PCDH11X: variants seen among roughly 807,000 people sequenced by gnomAD.
PCDH11X encodes the protein protocadherin-11 X-linked.
PCDH11X carries 18 observed loss-of-function variants against 53.3 expected under a neutral mutation model. The observed-to-expected ratio is 0.34, with a 90% CI of 0.23 to 0.50. The LOEUF (loss-of-function observed/expected upper bound fraction) is 0.50. PCDH11X is among the 20% of genes least tolerant of loss of function. The pLI is 0.98. For missense variants in PCDH11X, 570 were observed against 1,032.4 expected (o/e 0.55, Z 6.14); for synonymous variants, 279 against 393.3 (o/e 0.71, Z 3.44).
chrX:92,062,095 T>C (rs1472875735), intron 6 of PCDH11X, among the ~76,000 whole-genome samples: 3 of 111,118 alleles, frequency 2.7e-5, no homozygotes, highest in Non-Finnish European at 5.7e-5. Flanking sequence ...AATAGGATTG[T>C]GTTCTTGATA....
chrX:92,500,082 T>C, intron 10 of PCDH11X, among the ~76,000 whole-genome samples: 1 of 111,483 alleles, frequency 9.0e-6, no homozygotes. Flanking sequence ...ACAACTTTTC[T>C]TAAAATTGAT....
intron 6 of PCDH11X, among the ~76,000 whole-genome samples, chrX:91,972,096 C>A (rs1044241857): frequency 9.3e-6 from 1 of 107,604 alleles, no homozygotes; most frequent in African/African-American, 3.4e-5. Flanking sequence ...TCTCCACATC[C>A]TCTCCAGCAC....
chrX:92,368,482 G>A (rs766120818), intron 8 of PCDH11X, among the ~76,000 whole-genome samples: 5 of 111,437 alleles, frequency 4.5e-5, no homozygotes, highest in African/African-American at 1.6e-4. Context: ...CCTACCTTCC[G>A]AAACCTACTT....
intron 6 of PCDH11X, among the ~76,000 whole-genome samples, chrX:92,046,718 T>A (rs2148039618): frequency 9.0e-6 from 1 of 110,867 alleles, no homozygotes; most frequent in Admixed American, 9.7e-5. Flanking sequence ...AGAAAGACAA[T>A]GCAAATACTT....
chrX:92,354,856 C>A (rs927500975), intron 8 of PCDH11X, among the ~76,000 whole-genome samples: 6 of 111,217 alleles, frequency 5.4e-5, no homozygotes, highest in African/African-American at 2.0e-4. Flanking sequence ...AAGCTGTAAA[C>A]GCCTTGATAA....
chrX:92,216,530 C>A (rs1233582073), intron 7 of PCDH11X, among the ~76,000 whole-genome samples: 2 of 107,439 alleles, frequency 1.9e-5, no homozygotes, highest in Non-Finnish European at 3.8e-5. Flanking sequence ...CGAACAAAGC[C>A]TCCAAGAAAT....
At chrX:92,336,477 T>C (rs1342301660) in intron 8 of PCDH11X, among the ~76,000 whole-genome samples, 1 of 112,224 alleles carries the variant, frequency 8.9e-6, no homozygotes, top group East Asian at 2.8e-4. Context: ...CATTAATAAT[T>C]GATCATTCAC....
At position 92,476,392 on chromosome X, in the gene PCDH11X, C is replaced by T. The variant is rs754902440; in HGVS notation, c.3367+8070C>T. 3.1e-4 allele frequency among the ~76,000 whole-genome samples: 34 copies of T among 108,412 alleles called. 1 individual carries two copies. In the South Asian group the frequency reaches 0.014, roughly 46 times the overall value. 94.1% of individuals were successfully genotyped at this position (108,412 alleles called of 115,157 possible). On this transcript the variant is annotated intron_variant, in intron 10 of 10. Transcript: ENST00000682573. ...TCAGTACCAGAATTTTTACTTGATT[C>T]ATTCTAATTATTTCAATCTCCTTGT... is the stretch of plus-strand genomic sequence containing the variant.
chrX:92,216,326 A>T (rs1458103493), intron 7 of PCDH11X, among the ~76,000 whole-genome samples: 1 of 108,583 alleles, frequency 9.2e-6, no homozygotes, highest in Non-Finnish European at 1.9e-5. Context: ...CGAATGTATA[A>T]CTAGAATAAC....
At chrX:92,232,980 G>A (rs1365237812) in intron 7 of PCDH11X, among the ~76,000 whole-genome samples, 4 of 111,905 alleles carry the variant, frequency 3.6e-5, no homozygotes, top group Non-Finnish European at 7.5e-5. Flanking sequence ...CTCCCAAAGT[G>A]CTGGGATTAC....
chrX:92,544,314 A>G (rs1451379865), intron 10 of PCDH11X, among the ~76,000 whole-genome samples: 1 of 111,779 alleles, frequency 8.9e-6, no homozygotes. Context: ...TGGAGAAAAT[A>G]TAATTATATT....
intron 10 of PCDH11X, among the ~76,000 whole-genome samples, chrX:92,495,579 C>G (rs1181490948): frequency 9.0e-6 from 1 of 110,620 alleles, no homozygotes; most frequent in Admixed American, 9.6e-5. Flanking sequence ...GTAAAGTATG[C>G]AATTTGGCAT....
intron 9 of PCDH11X, among the ~76,000 whole-genome samples, chrX:92,411,704 A>G (rs761623611): frequency 1.5e-3 from 159 of 107,148 alleles, no homozygotes; most frequent in African/African-American, 5.4e-3. Flanking sequence ...GTTGGTTTCA[A>G]GTCTTTGCTT....
intron 9 of PCDH11X, among the ~76,000 whole-genome samples, chrX:92,399,264 C>G (rs971173020): frequency 2.7e-5 from 3 of 109,326 alleles, no homozygotes. Context: ...GCATACAGAC[C>G]ACCTAGAAAT....
At chrX:92,007,714 G>T (rs975371546) in intron 6 of PCDH11X, among the ~76,000 whole-genome samples, 9 of 111,704 alleles carry the variant, frequency 8.1e-5, no homozygotes, top group Non-Finnish European at 1.5e-4. Context: ...TCTCAAGCAG[G>T]AGTTTTGCCC....
At chrX:92,289,382 A>G (rs1394309994) in intron 8 of PCDH11X, among the ~76,000 whole-genome samples, 1 of 111,453 alleles carries the variant, frequency 9.0e-6, no homozygotes, top group Non-Finnish European at 1.9e-5. Context: ...AATTATTCCA[A>G]CTTGTTAAAG....
chrX:92,235,204 G>A (rs2067148268), intron 7 of PCDH11X, among the ~76,000 whole-genome samples: 1 of 110,972 alleles, frequency 9.0e-6, no homozygotes, highest in Admixed American at 9.7e-5. Context: ...CATGAATCTA[G>A]CATCTTACTG....
intron 6 of PCDH11X, among the ~76,000 whole-genome samples, chrX:91,998,236 A>G (rs1002395109): frequency 9.1e-6 from 1 of 109,322 alleles, no homozygotes; most frequent in African/African-American, 3.3e-5. Context: ...ACACAGCAAG[A>G]TTTTCTATTT....
At chrX:92,326,622 C>CTATATATATATATATATATATATAATA (rs1160866218) in intron 8 of PCDH11X, among the ~76,000 whole-genome samples, 6 of 45,795 alleles carry the variant, frequency 1.3e-4, no homozygotes, top group African/African-American at 5.9e-4. Context: ...TTTTAATAAA[C>CTATATATATATATATATATATATAATA]TATATATATA....
Sources: allele counts gnomAD v4.1 joint callset (sites outside exome capture counted in the v4.1 genomes callset), GRCh38; gene constraint gnomAD v4.1.1; transcripts MANE v1.5; gene names NCBI Gene and HGNC (gene_info 2026-07-23, HGNC 2026-07-21).